Variants in RYR2 observed in about 807,000 individuals in gnomAD.
RYR2 encodes the protein cardiac muscle ryanodine receptor-calcium release channel.
Under a neutral mutation model 601.1 loss-of-function variants are expected in RYR2, and 227 were observed. The ratio of observed to expected loss-of-function variants is 0.38; its 90% confidence interval spans 0.34 to 0.42. The LOEUF (loss-of-function observed/expected upper bound fraction) is 0.42. RYR2 is among the 10% of genes least tolerant of loss of function. RYR2 has a pLI of 1.00. For synonymous variants in RYR2, 2,223 were observed against 2,175.1 expected (o/e 1.02, Z -0.61); for missense variants, 4,646 against 6,156.5 (o/e 0.75, Z 8.21).
intron 61 of RYR2, among the ~76,000 whole-genome samples, chr1:237,679,136 C>CAT (rs1376939698): frequency 1.3e-5 from 2 of 152,020 alleles, no homozygotes; most frequent in African/African-American, 4.8e-5. Flanking sequence ...TTGATAGATC[C>CAT]ATATATATAT....
At chr1:237,257,236 C>T (rs1162524754) in intron 1 of RYR2, among the ~76,000 whole-genome samples, 1 of 152,164 alleles carries the variant, frequency 6.6e-6, no homozygotes, top group Non-Finnish European at 1.5e-5. Flanking sequence ...ACCTGCGCAT[C>T]CATGAGCAAA....
At chr1:237,613,746 C>T (rs959362851) in intron 36 of RYR2, among the ~76,000 whole-genome samples, 1 of 152,178 alleles carries the variant, frequency 6.6e-6, no homozygotes, top group Admixed American at 6.5e-5. Context: ...AAATCGGAAA[C>T]ATTTTGAGCA....
At chr1:237,639,606 A>AC (rs1228788735) in intron 46 of RYR2, among the ~76,000 whole-genome samples, 1 of 152,174 alleles carries the variant, frequency 6.6e-6, no homozygotes, top group Non-Finnish European at 1.5e-5. Context: ...GGACTTGACT[A>AC]AACTGTTATG....
At chr1:237,704,096 C>T (rs1175646797) in intron 66 of RYR2, among the ~76,000 whole-genome samples, 4 of 152,058 alleles carry the variant, frequency 2.6e-5, no homozygotes, top group Non-Finnish European at 5.9e-5. Flanking sequence ...TATAACTTTT[C>T]TCTATGCAAC....
At chr1:237,669,759 C>T (rs921761608) in intron 58 of RYR2, among the ~76,000 whole-genome samples, 40 of 151,402 alleles carry the variant, frequency 2.6e-4, no homozygotes, top group African/African-American at 9.7e-4. Context: ...CTCCTCACTT[C>T]CTAGATGGGA....
At chr1:237,344,936 G>C (rs1016958681) in intron 3 of RYR2, among the ~76,000 whole-genome samples, 13 of 152,012 alleles carry the variant, frequency 8.6e-5, no homozygotes, top group Non-Finnish European at 1.8e-4. Context: ...TCAGCCTCCT[G>C]AGTAGCTGGG....
At chr1:237,709,187 T>C (rs1257074947) in intron 69 of RYR2, 89 bp downstream of exon 69, 5 of 1,235,430 alleles carry the variant, frequency 4.0e-6, no homozygotes, top group Non-Finnish European at 5.6e-6. Context: ...TCATTCACTA[T>C]TTTGCCATGA....
intron 71 of RYR2, among the ~76,000 whole-genome samples, chr1:237,714,813 A>G (rs1487944185): frequency 1.3e-5 from 2 of 151,100 alleles, no homozygotes; most frequent in Non-Finnish European, 2.9e-5. Context: ...AGATGGTGAA[A>G]CCCCATCTCT....
At chr1:237,379,153 C>T (rs1405176447) in intron 8 of RYR2, among the ~76,000 whole-genome samples, 2 of 152,178 alleles carry the variant, frequency 1.3e-5, no homozygotes, top group African/African-American at 4.8e-5. Flanking sequence ...ATAATTCATG[C>T]ACACTTTTAA....
At chr1:237,650,199 C>T (rs1438175869) in intron 50 of RYR2, 102 bp downstream of exon 50, 1 of 1,103,402 alleles carries the variant, frequency 9.1e-7, no homozygotes, top group Non-Finnish European at 1.3e-6. Flanking sequence ...ATTTTCCATA[C>T]CACAAATTTA....
chr1:237,117,691 TCTTCTCTTC>T (rs1670261941), intron 1 of RYR2, among the ~76,000 whole-genome samples: 1 of 83,324 alleles, frequency 1.2e-5, no homozygotes, highest in African/African-American at 5.4e-5. Flanking sequence ...TCTTCTCTTC[TCTTCTCTTC>T]TCTTCTCTTC....
chr1:237,369,430 C>T, intron 5 of RYR2, 104 bp from the exon 6 acceptor site: 2 of 947,464 alleles, frequency 2.1e-6, no homozygotes, highest in East Asian at 2.6e-5. Flanking sequence ...TACATTCTTT[C>T]CTACTAACGT....
rs1675220809 is a variant in RYR2, at chr1:237,591,725, C to G, written c.4161-14C>G. ...TTTAATGTTGCTTATTGTTAGTCCT[C>G]TGAAATATTTCAGATTTTTGCTTAG... On this transcript the variant is annotated splice_polypyrimidine_tract_variant and intron_variant, in intron 31 of 104. Transcript: ENST00000366574. 6.3e-7 allele frequency: 1 copy of G among 1,594,406 alleles called. No individual in the cohort carries two copies. The highest frequency in any genetic ancestry group is 2.2e-5 in the East Asian group (1 of 44,610).
intron 2 of RYR2, among the ~76,000 whole-genome samples, chr1:237,272,751 G>A (rs1336339063): frequency 6.6e-6 from 1 of 151,596 alleles, no homozygotes; most frequent in Non-Finnish European, 1.5e-5. Flanking sequence ...AAAAATAAGA[G>A]ACACTATGAA....
chr1:237,529,244 C>A (rs1667876957), intron 24 of RYR2, among the ~76,000 whole-genome samples: 1 of 152,112 alleles, frequency 6.6e-6, no homozygotes, highest in Non-Finnish European at 1.5e-5. Flanking sequence ...TTTCAACGTG[C>A]ACATTCTTTA....
chr1:237,068,032 ATTT>A (rs36053229), intron 1 of RYR2, among the ~76,000 whole-genome samples: 14 of 122,876 alleles, frequency 1.1e-4, no homozygotes, highest in Admixed American at 6.6e-4. Flanking sequence ...CAGAACTTTG[ATTT>A]TTTTTTTTTT....
chr1:237,799,634 G>T (rs917263087), intron 97 of RYR2, among the ~76,000 whole-genome samples: 7 of 152,110 alleles, frequency 4.6e-5, no homozygotes, highest in Admixed American at 1.3e-4. Flanking sequence ...CTAGGAAAAA[G>T]ATTTACATAT....
At chr1:237,644,954 C>A (rs898382149) in intron 48 of RYR2, among the ~76,000 whole-genome samples, 2 of 152,122 alleles carry the variant, frequency 1.3e-5, no homozygotes, top group African/African-American at 4.8e-5. Context: ...ATCGCTTGAA[C>A]CCGGGGCAGT....
rs530058948 is a variant in RYR2 at position 237,136,132 on chromosome 1, C to T, written c.48+93563C>T. Among the ~76,000 whole-genome samples the T allele has an allele frequency of 1.6e-4, 25 of 152,362 alleles. No homozygotes were observed. The South Asian group carries it at 5.0e-3, about 30-fold the overall frequency. ...TGACAAATGACCCTTCCAGCACTCTCCTAAACCACCAGCTTAGCCCGTTGA... is the reference window on the plus strand; with the variant it reads ...TGACAAATGACCCTTCCAGCACTCTTCTAAACCACCAGCTTAGCCCGTTGA... On this transcript the variant is annotated intron_variant, in intron 1 of 104. Transcript: ENST00000366574.
Sources: allele counts gnomAD v4.1 joint callset (sites outside exome capture counted in the v4.1 genomes callset), GRCh38; gene constraint gnomAD v4.1.1; transcripts MANE v1.5; gene names NCBI Gene and HGNC (gene_info 2026-07-23, HGNC 2026-07-21).